The following MEN1 variants were observed in gnomAD, a reference collection of about 807,000 sequenced individuals.
The protein encoded by MEN1 is menin 1.
In MEN1, 6 loss-of-function variants were observed where a neutral mutation model predicts 58.0. The observed-to-expected ratio is 0.10, with a 90% confidence interval of 0.06 to 0.20. The LOEUF (loss-of-function observed/expected upper bound fraction) is 0.20. Ranked by LOEUF, MEN1 falls within the 10% of genes least tolerant of loss-of-function variation. The pLI is 1.00. For missense variants in MEN1, 492 were observed against 818.5 expected, an observed-to-expected ratio of 0.60 and a Z score of 4.87; for synonymous variants, 346 against 350.7, an observed-to-expected ratio of 0.99 and a Z score of 0.15.
At chr11:64,810,836 G>A (rs1164616670), upstream of MEN1, 1 of 152,254 alleles carries the variant, frequency 6.6e-6, no homozygotes. Context: ...CGGGGTGGGA[G>A]GTCGCCGAGC....
Position 64,807,251 on chromosome 11 carries a change from G to T in MEN1, c.784-32C>A. The T allele has an allele frequency of 6.2e-7, 1 of 1,606,606 alleles. No homozygotes were observed. Among genetic ancestry groups the T allele is most frequent in the South Asian group, 1.1e-5 (1 of 90,492 alleles). ...GCCGAAGGAGAGAGTTATGAGCCAC[G>T]GAACAGGGAGGAGAACGGGTCCTTA... On this transcript the variant is annotated intron_variant, in intron 4 of 9. Transcript: ENST00000450708. This position sits in a 1 kb window ranked among gnomAD's most constrained non-coding sequence, Gnocchi z 4.9.
At chr11:64,809,368 T>G (rs2136174559) in intron 2 of MEN1, among the ~76,000 whole-genome samples, 1 of 152,058 alleles carries the variant, frequency 6.6e-6, no homozygotes, top group South Asian at 2.1e-4. Context: ...CCGCCCTCTG[T>G]GTCTCATGCT....
At position 64,806,387 on chromosome 11, in the gene MEN1, G is replaced by A; in HGVS notation, c.913-19C>T. On this transcript the variant is annotated intron_variant, in intron 6 of 9. Coordinates refer to ENST00000450708, the MANE Select transcript of MEN1 (RefSeq NM_001370259.2). ...CAATGCCCTGGATGGAGGTGAGGCA[G>A]AGGATCCTCAGGGAGGCAGCCCCAG... 1 of 1,614,098 alleles carries A rather than the reference G, an allele frequency of 6.2e-7. No individual in the cohort carries two copies. Among genetic ancestry groups the A allele is most frequent in the South Asian group, 1.1e-5 (1 of 91,072 alleles).
At chr11:64,806,678 C>G (rs1485723628) in intron 6 of MEN1, among the ~76,000 whole-genome samples, 3 of 146,888 alleles carry the variant, frequency 2.0e-5, no homozygotes, top group Admixed American at 6.9e-5. Flanking sequence ...AATGGCCCTC[C>G]TCCCCACCTA....
chr11:64,804,382 A>G lies in MEN1; in HGVS notation c.1785T>C (p.Pro595=). ...VQMKKQKVST[P]SDYTLSFLKR... ...TGAGGAAAGACAGAGTGTAGTCACT[A>G]GGGGTGGACACTTTCTGCTTCTTCA... The change falls in exon 10 of 10, where the codon CCT becomes CCC. Residue 595 remains proline (P), a synonymous_variant. Transcript: ENST00000450708. This position sits in a 1 kb window ranked among gnomAD's most constrained non-coding sequence, Gnocchi z 4.2. 6.2e-7 allele frequency: 1 copy of G among 1,614,122 alleles called. No individual in the cohort carries two copies. Among genetic ancestry groups the G allele is most frequent in the East Asian group, 2.2e-5 (1 of 44,880 alleles).
rs2136160410 is a variant in MEN1, at chr11:64,808,112, G to A, written c.446-13C>T. On this transcript the variant is annotated splice_polypyrimidine_tract_variant and intron_variant, in intron 2 of 9. Coordinates refer to ENST00000450708, the MANE Select transcript of MEN1 (RefSeq NM_001370259.2). Reference sequence around the variant, plus strand: ...TCCAATTTGGTGCCTGTGGAAGGGGGAGGTAATGAAAGAGGGTCCTCTGTG... The same window carrying A: ...TCCAATTTGGTGCCTGTGGAAGGGGAAGGTAATGAAAGAGGGTCCTCTGTG... The A allele has an allele frequency of 1.3e-6, 2 of 1,598,676 alleles. No individual in the cohort carries two copies. The highest frequency in any genetic ancestry group is 1.1e-5 in the South Asian group (1 of 89,558).
At chr11:64,810,306 G>C (rs1942045596) in intron 1 of MEN1, 174 bp from the exon 2 acceptor site, 1 of 602,058 alleles carries the variant, frequency 1.7e-6, no homozygotes, top group South Asian at 2.0e-5. Flanking sequence ...CCTCAGCCGA[G>C]ACTGCAGAGC....
rs751839903 is a variant in MEN1, at chr11:64,804,464, G to A, written c.1703C>T (p.Thr568Ile). The A allele has an allele frequency of 1.2e-6, 2 of 1,614,170 alleles. No homozygotes were observed. Among genetic ancestry groups the A allele is most frequent in the Admixed American group, 3.3e-5 (2 of 60,032 alleles). The change falls in exon 10 of 10, where the codon ACC becomes ATC. Residue 568 changes from threonine to isoleucine, a missense_variant. Transcript: ENST00000450708. This position sits in a 1 kb window ranked among gnomAD's most constrained non-coding sequence, Gnocchi z 4.2. ...MKGMKELLVATKINSSAIKLQ... is the reference protein window; with the variant it reads ...MKGMKELLVAIKINSSAIKLQ... ...CTTGATGGCGCTCGAGTTGATCTTG[G>A]TGGCCACCAGCAGCTCCTTCATGCC...
In MEN1 at chr11:64,809,895, G is replaced by T. The variant is rs878856863; in HGVS notation, c.215C>A (p.Pro72His). 6 of 1,593,644 alleles carry T rather than the reference G, an allele frequency of 3.8e-6. No homozygotes were observed. In the African/African-American group the frequency reaches 5.4e-5, roughly 14 times the overall value. ...TFQPSPAPDP[P>H]GGLTYFPVAD... ...CACGGGAAAGTAGGTGAGGCCGCCA[G>T]GCGGGTCGGGGGCGGGGCTGGGCTG... Residue 72 changes from proline (P) to histidine (H), a missense_variant, in exon 2 of 10, where the codon CCT becomes CAT. Around this residue, in one of 5 missense-constraint regions of MEN1, gnomAD observed 335 missense variants for 550.3 expected, o/e 0.61. Transcript: ENST00000450708.
At chr11:64,806,470 T>C in intron 6 of MEN1, 102 bp from the exon 7 acceptor site, 2 of 1,337,568 alleles carry the variant, frequency 1.5e-6, no homozygotes, top group Admixed American at 3.4e-5. Context: ...CACAGGAAGA[T>C]CCCAGGGAGT....
chr11:64,807,916 G>A lies in MEN1; in HGVS notation c.629C>T (p.Thr210Ile), dbSNP rs756287855. 1.2e-6 allele frequency: 2 copies of A among 1,614,158 alleles called. No homozygotes were observed. Among genetic ancestry groups the A allele is most frequent in the Non-Finnish European group, 1.7e-6 (2 of 1,180,008 alleles). The change falls in exon 3 of 10, where the codon ACA becomes ATA. Residue 210 changes from threonine (T) to isoleucine (I), a missense_variant. By Grantham distance (89) the Thr-to-Ile change is moderately conservative. Around this residue, in one of 5 missense-constraint regions of MEN1, gnomAD observed 335 missense variants for 550.3 expected, o/e 0.61. Coordinates refer to ENST00000450708, the MANE Select transcript of MEN1 (RefSeq NM_001370259.2). The surrounding 1 kb of genome is among the most constrained non-coding windows in gnomAD (Gnocchi z 4.9). Reference sequence around the variant, plus strand: ...CCGCTCAGCCACACCGGCATTGACTGTCTGGCCCCTGCGGTCCTCGTTGCC... The same window carrying A: ...CCGCTCAGCCACACCGGCATTGACTATCTGGCCCCTGCGGTCCTCGTTGCC... ...GKGNEDRRGQ[T>I]VNAGVAERSW...
chr11:64,807,044 A>G lies in MEN1; in HGVS notation c.879T>C (p.Pro293=), dbSNP rs746655559. The change falls in exon 6 of 10, where the codon CCT becomes CCC. Residue 293 remains proline, a synonymous_variant. Coordinates refer to ENST00000450708, the MANE Select transcript of MEN1 (RefSeq NM_001370259.2). This position sits in a 1 kb window ranked among gnomAD's most constrained non-coding sequence, Gnocchi z 4.9. ...LADLEELEPT[P]GRPDPLTLYH... is the part of the protein sequence containing the mutation. ...AGAGGGTGAGTGGGTCTGGCCGGCCAGGGGTGGGCTCCAGCTCCTCTAGAT... is the reference window on the plus strand; with the variant it reads ...AGAGGGTGAGTGGGTCTGGCCGGCCGGGGGTGGGCTCCAGCTCCTCTAGAT... The G allele has an allele frequency of 5.0e-6, 8 of 1,613,548 alleles. 1 individual carries two copies. The South Asian group carries it at 8.8e-5, about 18-fold the overall frequency.
Position 64,809,892 on chromosome 11 carries a change from C to T in MEN1, c.218G>A (p.Gly73Asp), listed in dbSNP as rs1444602663. ...FQPSPAPDPPGGLTYFPVADL... is the reference protein window; with the variant it reads ...FQPSPAPDPPDGLTYFPVADL... Reference sequence around the variant, plus strand: ...GGCCACGGGAAAGTAGGTGAGGCCGCCAGGCGGGTCGGGGGCGGGGCTGGG... The same window carrying T: ...GGCCACGGGAAAGTAGGTGAGGCCGTCAGGCGGGTCGGGGGCGGGGCTGGG... The change falls in exon 2 of 10, where the codon GGC becomes GAC. Residue 73 changes from glycine (G) to aspartate (D), a missense_variant. Coordinates refer to ENST00000450708, the MANE Select transcript of MEN1 (RefSeq NM_001370259.2). 1 of 1,595,006 alleles carries T rather than the reference C, an allele frequency of 6.3e-7. No individual in the cohort carries two copies. Among genetic ancestry groups the T allele is most frequent in the Non-Finnish European group, 8.5e-7 (1 of 1,170,660 alleles).
At chr11:64,808,352 C>T (rs1288965714) in intron 2 of MEN1, among the ~76,000 whole-genome samples, 2 of 152,200 alleles carry the variant, frequency 1.3e-5, no homozygotes, top group African/African-American at 2.4e-5. Flanking sequence ...GGCCCTACCT[C>T]GTCTTTCTCT....
chr11:64,803,776 C>T lies in MEN1; in HGVS notation c.*558G>A, dbSNP rs1193337869. 1 of 242,144 alleles carries T rather than the reference C, an allele frequency of 4.1e-6. No individual in the cohort carries two copies. The highest frequency in any genetic ancestry group is 2.2e-5 in the African/African-American group (1 of 45,282). The allele number at this position is 242,144 out of a possible 1,614,324, so 15.0% of individuals were successfully genotyped here. A position where few individuals can be genotyped will look rare whatever the true frequency, so the allele number is the denominator to read the frequency against. On this transcript the variant is annotated 3_prime_UTR_variant, in exon 10 of 10. Coordinates refer to ENST00000450708, the MANE Select transcript of MEN1 (RefSeq NM_001370259.2). ...GGGGCGGAGTTTTGTGTCCCAGACT[C>T]GGGATACGAAGGAGAGGAAACTAGG... is the stretch of plus-strand genomic sequence containing the variant.
intron 7 of MEN1, chr11:64,806,029 T>A (rs71581762): frequency 5.9e-6 from 4 of 677,610 alleles, no homozygotes; most frequent in Admixed American, 2.8e-5. Flanking sequence ...AAAAAAAAAA[T>A]TAGGAGGAGA....
chr11:64,806,375 G>A lies in MEN1; in HGVS notation c.913-7C>T, dbSNP rs911501970. On this transcript the variant is annotated splice_polypyrimidine_tract_variant and splice_region_variant and intron_variant, in intron 6 of 9. Coordinates refer to ENST00000450708, the MANE Select transcript of MEN1 (RefSeq NM_001370259.2). ...TCTTGGCTGAGGCAATGCCCTGGATGGAGGTGAGGCAGAGGATCCTCAGGG... is the reference window on the plus strand; with the variant it reads ...TCTTGGCTGAGGCAATGCCCTGGATAGAGGTGAGGCAGAGGATCCTCAGGG... The A allele has an allele frequency of 6.2e-7, 1 of 1,614,022 alleles. No individual in the cohort carries two copies. The highest frequency in any genetic ancestry group is 8.5e-7 in the Non-Finnish European group (1 of 1,179,988).
Position 64,810,119 on chromosome 11 carries a change from C to T in MEN1, c.-10G>A, listed in dbSNP as rs750849285. Reference sequence around the variant, plus strand: ...CGGCCTTCAGCCCCATGGCGGCGGGCGGTGGGCGGCGGCCTGCAAGGCAAG... The same window carrying T: ...CGGCCTTCAGCCCCATGGCGGCGGGTGGTGGGCGGCGGCCTGCAAGGCAAG... On this transcript the variant is annotated 5_prime_UTR_variant, in exon 2 of 10. Transcript: ENST00000450708. The T allele has an allele frequency of 2.3e-4, 144 of 637,586 alleles. No homozygotes were observed. Among genetic ancestry groups the T allele is most frequent in the Middle Eastern group, 1.4e-3 (3 of 2,082 alleles). The allele number at this position is 637,586 out of a possible 1,614,324, so 39.5% of individuals were successfully genotyped here.
chr11:64,810,235 C>T, intron 1 of MEN1, 103 bp from the exon 2 acceptor site: 1 of 709,696 alleles, frequency 1.4e-6, no homozygotes, highest in South Asian at 1.8e-5. Context: ...GCACAGCTCC[C>T]CTGCTTCCCC....
Sources: allele counts gnomAD v4.1 joint callset (sites outside exome capture counted in the v4.1 genomes callset), GRCh38; gene constraint gnomAD v4.1.1; regional missense constraint gnomAD v4.1.1; non-coding constraint Gnocchi (gnomAD v3.1); transcripts MANE v1.5; gene names NCBI Gene and HGNC (gene_info 2026-07-23, HGNC 2026-07-21).